CCDC138: variants seen among roughly 807,000 people sequenced by gnomAD.
CCDC138 encodes the protein coiled-coil domain containing 138.
CCDC138 carries 66 observed loss-of-function variants against 82.3 expected under a neutral mutation model. The observed-to-expected ratio is 0.80, with a 90% CI of 0.66 to 0.98. CCDC138 has a LOEUF of 0.98. Among genes scored for constraint, CCDC138 ranks in the 50% least tolerant of loss-of-function variants. The pLI, the probability that CCDC138 is intolerant of heterozygous loss-of-function variation, is 0.00. For synonymous variants in CCDC138, 297 were observed against 265.4 expected, an observed-to-expected ratio of 1.12 and a Z score of -1.16; for missense variants, 816 against 758.9, an observed-to-expected ratio of 1.08 and a Z score of -0.88.
intron 11 of CCDC138, among the ~76,000 whole-genome samples, chr2:108,839,804 G>A (rs748896704): frequency 6.6e-6 from 1 of 151,622 alleles, no homozygotes; most frequent in Non-Finnish European, 1.5e-5. Context: ...CATGTTATCT[G>A]CAAATGAAAA....
chr2:108,876,034 C>T lies in CCDC138; in HGVS notation c.1833-54C>T. ...CATAAATTATCTGTCAGTGTCATTG[C>T]AGATAAACTCTCTAAGTATGTGTAA... is the stretch of plus-strand genomic sequence containing the variant. On this transcript the variant is annotated intron_variant, in intron 14 of 14. Transcript: ENST00000295124. 2.6e-6 allele frequency: 3 copies of T among 1,152,906 alleles called. No individual in the cohort carries two copies. The South Asian group carries it at 4.6e-5, about 18-fold the overall frequency. The allele number at this position is 1,152,906 out of a possible 1,614,324, so 71.4% of individuals were successfully genotyped here. A position where few individuals can be genotyped will look rare whatever the true frequency, so the allele number is the denominator to read the frequency against.
At chr2:108,817,049 G>A (rs1217411245) in intron 10 of CCDC138, among the ~76,000 whole-genome samples, 1 of 152,110 alleles carries the variant, frequency 6.6e-6, no homozygotes, top group Non-Finnish European at 1.5e-5. Flanking sequence ...TGGGAATTAA[G>A]TTTCAACATG....
intron 11 of CCDC138, among the ~76,000 whole-genome samples, chr2:108,842,700 A>G (rs1328702426): frequency 6.6e-6 from 1 of 152,174 alleles, no homozygotes; most frequent in Non-Finnish European, 1.5e-5. Flanking sequence ...TGAATCAAAC[A>G]TATTTAGGAA....
intron 12 of CCDC138, among the ~76,000 whole-genome samples, chr2:108,854,356 G>A (rs1312555884): frequency 1.3e-5 from 2 of 151,542 alleles, no homozygotes; most frequent in African/African-American, 2.4e-5. Context: ...TTGAATCTTA[G>A]CTTCACTACT....
At chr2:108,812,283 T>G (rs922197123) in intron 7 of CCDC138, among the ~76,000 whole-genome samples, 1 of 152,134 alleles carries the variant, frequency 6.6e-6, no homozygotes, top group Non-Finnish European at 1.5e-5. Flanking sequence ...CAGTTATAGC[T>G]CATTGTACTG....
chr2:108,851,308 T>G (rs1691450522), intron 12 of CCDC138, among the ~76,000 whole-genome samples: 1 of 152,052 alleles, frequency 6.6e-6, no homozygotes, highest in East Asian at 1.9e-4. Flanking sequence ...GTTGTTTGTT[T>G]GTTTGTTTTT....
chr2:108,788,575 C>T (rs957715199), intron 2 of CCDC138, among the ~76,000 whole-genome samples: 2 of 151,802 alleles, frequency 1.3e-5, no homozygotes, highest in African/African-American at 4.8e-5. Context: ...AAAAAATTAG[C>T]CGGGTGTGGT....
chr2:108,819,275 T>A (rs1685266458), intron 10 of CCDC138, among the ~76,000 whole-genome samples: 1 of 152,174 alleles, frequency 6.6e-6, no homozygotes, highest in African/African-American at 2.4e-5. Context: ...TGCATGTGTG[T>A]TCCCCTGCCG....
chr2:108,853,883 AT>A (rs1285914359), intron 12 of CCDC138, among the ~76,000 whole-genome samples: 2 of 124,012 alleles, frequency 1.6e-5, no homozygotes, highest in East Asian at 2.1e-4. Context: ...TATATAATAT[AT>A]TATATAGTAT....
chr2:108,842,245 C>T (rs923189122), intron 11 of CCDC138, among the ~76,000 whole-genome samples: 2 of 151,396 alleles, frequency 1.3e-5, no homozygotes, highest in Admixed American at 1.3e-4. Context: ...TGCTTTGTTG[C>T]CCAGGCTGGT....
chr2:108,856,105 T>C (rs577866444), intron 12 of CCDC138, among the ~76,000 whole-genome samples: 1 of 152,330 alleles, frequency 6.6e-6, no homozygotes, highest in Admixed American at 6.5e-5. Flanking sequence ...TCATTTGCAA[T>C]GATTCTGCTT....
At chr2:108,794,215 G>T (rs923623366) in intron 4 of CCDC138, among the ~76,000 whole-genome samples, 1 of 152,180 alleles carries the variant, frequency 6.6e-6, no homozygotes, top group Non-Finnish European at 1.5e-5. Context: ...TTAGGGGAGA[G>T]AGGGGAACAT....
intron 4 of CCDC138, among the ~76,000 whole-genome samples, chr2:108,792,422 C>T (rs1573912931): frequency 6.6e-6 from 1 of 152,206 alleles, no homozygotes; most frequent in Non-Finnish European, 1.5e-5. Context: ...CAGTGGAAAA[C>T]ATGGGATAAG....
intron 4 of CCDC138, among the ~76,000 whole-genome samples, chr2:108,793,882 G>A (rs1680384207): frequency 6.6e-6 from 1 of 151,832 alleles, no homozygotes; most frequent in Non-Finnish European, 1.5e-5. Flanking sequence ...GATTATAGGC[G>A]TGAGCCACCG....
chr2:108,863,164 T>C (rs1266507419), intron 13 of CCDC138, among the ~76,000 whole-genome samples: 2 of 152,210 alleles, frequency 1.3e-5, no homozygotes, highest in African/African-American at 2.4e-5. Flanking sequence ...CTTCCCTTTT[T>C]GCTGTTTTAA....
In CCDC138 at chr2:108,812,913, T is replaced by G; in HGVS notation, c.1027T>G (p.Ser343Ala). 6.2e-7 allele frequency: 1 copy of G among 1,613,534 alleles called. No individual in the cohort carries two copies. The highest frequency in any genetic ancestry group is 1.1e-5 in the South Asian group (1 of 91,010). The change falls in exon 9 of 15, where the codon TCA becomes GCA. Residue 343 changes from serine to alanine, a missense_variant. Physicochemically the swap from Ser to Ala is moderately conservative, Grantham distance 99 (BLOSUM62 1). Transcript: ENST00000295124. ...TTTAAAACAAGAAAAAGCACCAGTT[T>G]CAAAAACTTACAAGGTAAGTTTGAA... ...KSLKQEKAPV[S>A]KTYKVPLNGQ...
intron 6 of CCDC138, among the ~76,000 whole-genome samples, chr2:108,804,382 T>A (rs913282305): frequency 6.6e-6 from 1 of 152,190 alleles, no homozygotes; most frequent in African/African-American, 2.4e-5. Flanking sequence ...ATTATGTATC[T>A]AACATATTTT....
chr2:108,879,594 T>C (rs577860663), downstream of CCDC138, among the ~76,000 whole-genome samples: 6 of 152,336 alleles, frequency 3.9e-5, no homozygotes, highest in East Asian at 1.2e-3. Flanking sequence ...AACTTTCTAA[T>C]AGAAAAATAT....
chr2:108,796,109 C>T (rs191481013), intron 5 of CCDC138, among the ~76,000 whole-genome samples: 4 of 152,166 alleles, frequency 2.6e-5, no homozygotes, highest in East Asian at 3.9e-4. Context: ...AGTGCAGTGG[C>T]GCAATCTCGG....
Sources: gnomAD v4.1 joint callset for allele counts (sites outside exome capture counted in the v4.1 genomes callset) on GRCh38, gnomAD v4.1.1 for gene constraint, MANE v1.5 for transcripts, NCBI Gene and HGNC (gene_info 2026-07-23, HGNC 2026-07-21) for gene names.